PPFIBP1: variants seen among roughly 807,000 people sequenced by gnomAD.
PPFIBP1 encodes the protein liprin-beta-1.
Under a neutral mutation model 137.8 loss-of-function variants are expected in PPFIBP1, and 112 were observed. The observed-to-expected ratio is 0.81, with a 90% confidence interval of 0.70 to 0.95. The LOEUF (loss-of-function observed/expected upper bound fraction) is 0.95. Among genes scored for constraint, PPFIBP1 ranks in the 40% least tolerant of loss-of-function variants. PPFIBP1 has a pLI of 0.00. For synonymous variants in PPFIBP1, 378 were observed against 417.3 expected (o/e 0.91, Z 1.15); for missense variants, 1,083 against 1,196.6 (o/e 0.91, Z 1.40).
intron 16 of PPFIBP1, 81 bp from the exon 17 acceptor site, chr12:27,674,111 T>A: frequency 9.3e-7 from 1 of 1,075,136 alleles, no homozygotes; most frequent in Non-Finnish European, 1.4e-6. Flanking sequence ...TTATTTTAAC[T>A]TATGGAGTTG....
chr12:27,640,748 T>C (rs2058061849), intron 4 of PPFIBP1, among the ~76,000 whole-genome samples: 1 of 152,156 alleles, frequency 6.6e-6, no homozygotes, highest in Admixed American at 6.5e-5. Context: ...GTAAGATGCC[T>C]TATTATGGTA....
intron 5 of PPFIBP1, among the ~76,000 whole-genome samples, chr12:27,647,252 C>T (rs1258314384): frequency 7.9e-5 from 12 of 152,298 alleles, no homozygotes; most frequent in South Asian, 4.1e-4. Context: ...CTGCCCGCCT[C>T]AGCCTCCCAA....
At chr12:27,560,878 A>G (rs780040962) in intron 1 of PPFIBP1, among the ~76,000 whole-genome samples, 12 of 152,196 alleles carry the variant, frequency 7.9e-5, no homozygotes, top group Non-Finnish European at 1.2e-4. Context: ...TTTTTCTTTT[A>G]ATAACACATA....
chr12:27,688,992 CT>C (rs35617482), intron 26 of PPFIBP1, 22 bp from the exon 27 acceptor site: 104,544 of 1,065,412 alleles, frequency 0.098, 1 homozygote, highest in East Asian at 0.15. Context: ...TTTTGACAAG[CT>C]TTTTTTTTTT....
Position 27,654,781 on chromosome 12 carries a change from A to C in PPFIBP1, c.663A>C (p.Arg221Ser). ...RLKVSEMDSE[R>S]LQYEKKLKST... Reference sequence around the variant, plus strand: ...AAGTTAGTGAAATGGACAGTGAGAGACTTCAGTATGAAAAAAAGCTTAAAT... The same window carrying C: ...AAGTTAGTGAAATGGACAGTGAGAGCCTTCAGTATGAAAAAAAGCTTAAAT... Residue 221 changes from arginine (R) to serine (S), a missense_variant, in exon 8 of 30, where the codon AGA (arginine) becomes AGC (serine). By Grantham distance (110) the Arg-to-Ser change is moderately radical (BLOSUM62 -1). Transcript: ENST00000228425. 1 of 1,612,360 alleles carries C rather than the reference A, an allele frequency of 6.2e-7. No homozygotes were observed. Among genetic ancestry groups the C allele is most frequent in the Non-Finnish European group, 8.5e-7 (1 of 1,179,578 alleles).
At chr12:27,528,039 C>T (rs1416328129) in intron 1 of PPFIBP1, among the ~76,000 whole-genome samples, 1 of 151,988 alleles carries the variant, frequency 6.6e-6, no homozygotes, top group South Asian at 2.1e-4. Flanking sequence ...ACCTCCACTT[C>T]CCGGGTTCAA....
intron 2 of PPFIBP1, among the ~76,000 whole-genome samples, chr12:27,589,799 G>A (rs1358024231): frequency 1.3e-5 from 2 of 152,232 alleles, no homozygotes; most frequent in Non-Finnish European, 2.9e-5. Flanking sequence ...TCTTTTGAGA[G>A]TAAGATATGT....
intron 24 of PPFIBP1, among the ~76,000 whole-genome samples, chr12:27,684,302 T>C (rs2061068070): frequency 6.6e-6 from 1 of 150,866 alleles, no homozygotes; most frequent in Non-Finnish European, 1.5e-5. Flanking sequence ...GGAGATGGAG[T>C]TTCGCCATGT....
At chr12:27,638,277 CA>C (rs1168505135) in intron 4 of PPFIBP1, among the ~76,000 whole-genome samples, 1 of 152,144 alleles carries the variant, frequency 6.6e-6, no homozygotes. Flanking sequence ...TTAAGGAACA[CA>C]GAATCCTAGC....
intron 13 of PPFIBP1, 137 bp downstream of exon 13, chr12:27,667,457 A>G: frequency 1.3e-6 from 1 of 775,000 alleles, no homozygotes; most frequent in East Asian, 3.1e-5. Flanking sequence ...ATATAAATAA[A>G]TTGACTTTGG....
chr12:27,623,844 T>C (rs930000773), intron 2 of PPFIBP1, among the ~76,000 whole-genome samples: 3 of 152,152 alleles, frequency 2.0e-5, no homozygotes, highest in African/African-American at 7.2e-5. Flanking sequence ...TCAGAGTGTG[T>C]GTGTGTTTGC....
At chr12:27,558,776 T>C (rs1422668187) in intron 1 of PPFIBP1, among the ~76,000 whole-genome samples, 1 of 152,240 alleles carries the variant, frequency 6.6e-6, no homozygotes, top group Non-Finnish European at 1.5e-5. Flanking sequence ...CATGCAAAGC[T>C]TAATTAGGTT....
chr12:27,599,757 A>G (rs1454031103), intron 2 of PPFIBP1, among the ~76,000 whole-genome samples: 2 of 152,238 alleles, frequency 1.3e-5, no homozygotes, highest in African/African-American at 2.4e-5. Context: ...CCAACAATGT[A>G]TAATCTCAAT....
intron 2 of PPFIBP1, among the ~76,000 whole-genome samples, chr12:27,589,653 C>T (rs2052236207): frequency 6.6e-6 from 1 of 152,178 alleles, no homozygotes; most frequent in African/African-American, 2.4e-5. Flanking sequence ...GATGAATAAA[C>T]ACAAGTATGT....
intron 24 of PPFIBP1, among the ~76,000 whole-genome samples, chr12:27,687,056 T>C (rs1283304761): frequency 1.3e-5 from 2 of 152,230 alleles, no homozygotes; most frequent in Non-Finnish European, 2.9e-5. Context: ...GTTTGTAGTA[T>C]GTGCAGATCA....
rs1287841009 is a variant in PPFIBP1, at chr12:27,693,670, G to C, written c.*788G>C. 2 of 152,048 alleles carry C rather than the reference G, an allele frequency of 1.3e-5. No homozygotes were observed. Among genetic ancestry groups the C allele is most frequent in the Non-Finnish European group, 2.9e-5 (2 of 68,010 alleles). 9.4% of individuals were successfully genotyped at this position (152,048 alleles called of 1,614,324 possible). A position where few individuals can be genotyped will look rare whatever the true frequency, so the allele number is the denominator to read the frequency against. ...TTGGATCCCTTTACCTCATATGGAAGAACTTGAGGGACATTAGTATACTTT... is the reference window on the plus strand; with the variant it reads ...TTGGATCCCTTTACCTCATATGGAACAACTTGAGGGACATTAGTATACTTT... On this transcript the variant is annotated 3_prime_UTR_variant, in exon 30 of 30. Coordinates refer to ENST00000228425, the MANE Select transcript of PPFIBP1 (RefSeq NM_003622.4).
intron 2 of PPFIBP1, among the ~76,000 whole-genome samples, chr12:27,600,034 A>G (rs2053789406): frequency 6.6e-6 from 1 of 152,246 alleles, no homozygotes; most frequent in Non-Finnish European, 1.5e-5. Flanking sequence ...TGATCATTGT[A>G]CTATGGCTGT....
intron 21 of PPFIBP1, among the ~76,000 whole-genome samples, chr12:27,680,813 A>G (rs2060831808): frequency 6.6e-6 from 1 of 152,212 alleles, no homozygotes; most frequent in South Asian, 2.1e-4. Context: ...ATTGATACCA[A>G]ATCTTTTAAC....
intron 1 of PPFIBP1, among the ~76,000 whole-genome samples, chr12:27,577,214 T>C (rs759677747): frequency 2.7e-5 from 3 of 110,666 alleles, no homozygotes; most frequent in Non-Finnish European, 5.8e-5. Flanking sequence ...TTTCTGAAGC[T>C]TTTTTTTTTT....
Sources: gnomAD v4.1 joint callset for allele counts (sites outside exome capture counted in the v4.1 genomes callset) on GRCh38, gnomAD v4.1.1 for gene constraint, MANE v1.5 for transcripts, NCBI Gene and HGNC (gene_info 2026-07-23, HGNC 2026-07-21) for gene names.